Variants in MECOM observed in about 807,000 individuals in gnomAD.
The protein encoded by MECOM is MDS1 and EVI1 complex locus.
A neutral mutation model predicts 116.3 loss-of-function variants in MECOM; 13 were observed. The ratio of observed to expected loss-of-function variants is 0.11; its 90% CI spans 0.07 to 0.18. The LOEUF (loss-of-function observed/expected upper bound fraction) is 0.18, where lower values mean the gene tolerates loss of function less well. Ranked by LOEUF, MECOM falls within the 10% of genes least tolerant of loss-of-function variation. The probability of loss-of-function intolerance (pLI) is 1.00; values close to 1 mark genes in which losing one functional copy is unlikely to be tolerated. For synonymous variants in MECOM, 528 were observed against 535.2 expected (o/e 0.99, Z 0.19); for missense variants, 1,299 against 1,509.0 (o/e 0.86, Z 2.31).
chr3:169,127,638 C>G (rs1010206224), intron 5 of MECOM, among the ~76,000 whole-genome samples: 4 of 152,148 alleles, frequency 2.6e-5, no homozygotes, highest in African/African-American at 9.7e-5. Context: ...TATTTTTCAT[C>G]TGACATCAAA....
chr3:169,287,085 G>A (rs561151314), intron 2 of MECOM, among the ~76,000 whole-genome samples: 21 of 152,218 alleles, frequency 1.4e-4, no homozygotes, highest in African/African-American at 4.8e-4. Context: ...TGGGCCCTCC[G>A]AAGATAGAAA....
At chr3:169,414,469 C>T (rs970326425) in intron 1 of MECOM, among the ~76,000 whole-genome samples, 2 of 152,092 alleles carry the variant, frequency 1.3e-5, no homozygotes, top group Non-Finnish European at 2.9e-5. Flanking sequence ...AACCAGAATG[C>T]CCATTCTCCT....
intron 2 of MECOM, among the ~76,000 whole-genome samples, chr3:169,315,774 G>A (rs1445572704): frequency 6.6e-6 from 1 of 152,072 alleles, no homozygotes; most frequent in African/African-American, 2.4e-5. Context: ...TCTAGCGATG[G>A]CATATATCTA....
At chr3:169,128,193 G>T (rs1419524130) in intron 4 of MECOM, 133 bp from the exon 5 acceptor site, 6 of 754,420 alleles carry the variant, frequency 8.0e-6, no homozygotes, top group African/African-American at 7.0e-5. Flanking sequence ...TTTTAATCTG[G>T]ATTAGAAATA....
At chr3:169,356,578 G>T (rs1002425507) in intron 2 of MECOM, among the ~76,000 whole-genome samples, 2 of 151,880 alleles carry the variant, frequency 1.3e-5, no homozygotes, top group Non-Finnish European at 2.9e-5. Flanking sequence ...CAGTCTGTCA[G>T]TTCTGACATG....
chr3:169,405,851 G>A (rs1736616729), intron 1 of MECOM, among the ~76,000 whole-genome samples: 1 of 152,178 alleles, frequency 6.6e-6, no homozygotes, highest in South Asian at 2.1e-4. Flanking sequence ...CTACATCAGA[G>A]TAGCATATGG....
chr3:169,313,195 G>A (rs1719119574), intron 2 of MECOM, among the ~76,000 whole-genome samples: 1 of 152,220 alleles, frequency 6.6e-6, no homozygotes, highest in East Asian at 1.9e-4. Flanking sequence ...TGAGGCCTGA[G>A]GATTGGCCAT....
rs984197551 is a variant in MECOM, at chr3:169,441,753, G to A, written c.38-60229C>T. ...CTTTTTTTTTTTTTTTTAAAAAAGGGGGGGTCTTGCTCTGTCACCCAGGCT... is the reference window on the plus strand; with the variant it reads ...CTTTTTTTTTTTTTTTTAAAAAAGGAGGGGTCTTGCTCTGTCACCCAGGCT... On this transcript the variant is annotated intron_variant, in intron 1 of 16. Coordinates refer to ENST00000651503, the MANE Select transcript of MECOM (RefSeq NM_004991.4). Among the ~76,000 whole-genome samples the A allele has an allele frequency of 1.3e-4, 14 of 108,422 alleles. 1 individual carries two copies. The highest frequency in any genetic ancestry group is 2.6e-4 in the Non-Finnish European group (11 of 42,094). The allele number at this position is 108,422 out of a possible 152,430, so 71.1% of individuals were successfully genotyped here.
At chr3:169,454,192 G>A (rs1339390634) in intron 1 of MECOM, among the ~76,000 whole-genome samples, 1 of 152,136 alleles carries the variant, frequency 6.6e-6, no homozygotes, top group African/African-American at 2.4e-5. Context: ...ACAGTGCCAA[G>A]CGAGTAATTT....
chr3:169,596,899 A>G (rs570798828), intron 1 of MECOM, among the ~76,000 whole-genome samples: 3 of 152,320 alleles, frequency 2.0e-5, no homozygotes, highest in East Asian at 1.9e-4. Flanking sequence ...CTAGTCAAAC[A>G]CATTAGCATT....
intron 1 of MECOM, among the ~76,000 whole-genome samples, chr3:169,499,378 T>C (rs1324021219): frequency 1.7e-5 from 2 of 116,542 alleles, no homozygotes; most frequent in Admixed American, 8.7e-5. Context: ...AAAAAGAGTA[T>C]AGTCAGAATA....
chr3:169,431,410 G>A (rs1741606885), intron 1 of MECOM, among the ~76,000 whole-genome samples: 1 of 152,146 alleles, frequency 6.6e-6, no homozygotes, highest in Non-Finnish European at 1.5e-5. Context: ...CTGCCTACTG[G>A]CTTACCGTTG....
chr3:169,293,526 C>A (rs1449545290), intron 2 of MECOM, among the ~76,000 whole-genome samples: 4 of 152,186 alleles, frequency 2.6e-5, no homozygotes, highest in Admixed American at 6.5e-5. Flanking sequence ...TTATTCCTTT[C>A]AGGTTTCTGT....
Position 169,479,578 on chromosome 3 carries a change from A to G in MECOM, c.38-98054T>C, listed in dbSNP as rs374019840. Reference sequence around the variant, plus strand: ...AAGCACTGGAAGTAAAGCCAAGCAGATATCAGCCAATGTGTCTGAGCAGTA... The same window carrying G: ...AAGCACTGGAAGTAAAGCCAAGCAGGTATCAGCCAATGTGTCTGAGCAGTA... On this transcript the variant is annotated intron_variant, in intron 1 of 16. Transcript: ENST00000651503. Among the ~76,000 whole-genome samples the G allele has an allele frequency of 2.0e-5, 3 of 151,464 alleles. No individual in the cohort carries two copies. In the East Asian group the frequency reaches 5.9e-4, roughly 30 times the overall value.
At chr3:169,101,930 A>G (rs1410553874) in intron 11 of MECOM, 130 bp downstream of exon 11, 13 of 758,532 alleles carry the variant, frequency 1.7e-5, no homozygotes. Flanking sequence ...GAACACTTTG[A>G]AGTGCTGGAG....
chr3:169,445,830 G>A (rs76328642), intron 1 of MECOM, among the ~76,000 whole-genome samples: 1 of 152,226 alleles, frequency 6.6e-6, no homozygotes, highest in Non-Finnish European at 1.5e-5. Context: ...TTGCATCAGT[G>A]TAACCTGGAT....
chr3:169,488,758 T>G (rs1187465389), intron 1 of MECOM, among the ~76,000 whole-genome samples: 1 of 151,856 alleles, frequency 6.6e-6, no homozygotes, highest in Non-Finnish European at 1.5e-5. Context: ...ATAAAATAAT[T>G]TAAACTAAAT....
intron 1 of MECOM, among the ~76,000 whole-genome samples, chr3:169,653,528 T>C (rs1054914137): frequency 3.9e-5 from 6 of 152,214 alleles, no homozygotes; most frequent in Admixed American, 2.0e-4. Flanking sequence ...AGTTAGATTT[T>C]GACAGTCAGT....
At chr3:169,124,777 T>C (rs148929217) in intron 5 of MECOM, among the ~76,000 whole-genome samples, 2 of 152,220 alleles carry the variant, frequency 1.3e-5, no homozygotes, top group East Asian at 3.9e-4. Flanking sequence ...TAGTTTTGTG[T>C]ATATTTGAAG....
Sources: allele counts gnomAD v4.1 joint callset (sites outside exome capture counted in the v4.1 genomes callset), GRCh38; gene constraint gnomAD v4.1.1; transcripts MANE v1.5; gene names NCBI Gene and HGNC (gene_info 2026-07-23, HGNC 2026-07-21).